RARB: variants seen among roughly 807,000 people sequenced by gnomAD.
RARB encodes the protein HBV-activated protein.
Under a neutral mutation model 51.9 loss-of-function variants are expected in RARB, and 17 were observed. That is an observed-to-expected ratio of 0.33 (90% CI 0.22 to 0.49). The LOEUF is 0.49. RARB is among the 20% of genes least tolerant of loss of function. RARB has a pLI of 0.99. For missense variants in RARB, 369 were observed against 550.8 expected (o/e 0.67, Z 3.30); for synonymous variants, 215 against 195.4 (o/e 1.10, Z -0.84).
chr3:25,468,096 C>G (rs1695519872), intron 2 of RARB, among the ~76,000 whole-genome samples: 1 of 152,168 alleles, frequency 6.6e-6, no homozygotes, highest in Non-Finnish European at 1.5e-5. Flanking sequence ...AAACCAAACA[C>G]TTGGATTCTC....
chr3:25,378,185 G>T (rs192066117), intron 5 of RARB, among the ~76,000 whole-genome samples: 1 of 152,052 alleles, frequency 6.6e-6, no homozygotes, highest in African/African-American at 2.4e-5. Flanking sequence ...ACAAGACTCG[G>T]GCATGCATGC....
chr3:25,375,767 T>G (rs1706442557), intron 5 of RARB, among the ~76,000 whole-genome samples: 1 of 152,212 alleles, frequency 6.6e-6, no homozygotes, highest in Non-Finnish European at 1.5e-5. Context: ...CTGGGATGCA[T>G]GTACCATGAT....
chr3:25,379,405 G>C (rs1575356162), intron 5 of RARB, among the ~76,000 whole-genome samples: 1 of 152,148 alleles, frequency 6.6e-6, no homozygotes, highest in Non-Finnish European at 1.5e-5. Flanking sequence ...TCTTACTGGT[G>C]ACCTAGTGCC....
At chr3:25,406,695 T>A (rs1033051604) in intron 5 of RARB, among the ~76,000 whole-genome samples, 2 of 152,230 alleles carry the variant, frequency 1.3e-5, no homozygotes, top group Admixed American at 6.5e-5. Flanking sequence ...AGCATATAAA[T>A]TTTAGGAAAC....
intron 2 of RARB, among the ~76,000 whole-genome samples, chr3:25,048,527 A>G (rs761320205): frequency 6.6e-6 from 1 of 152,082 alleles, no homozygotes; most frequent in Non-Finnish European, 1.5e-5. Flanking sequence ...TCTTCACTCA[A>G]GTTGTTTTCT....
intron 3 of RARB, among the ~76,000 whole-genome samples, chr3:25,127,003 C>G (rs1409989904): frequency 6.6e-6 from 1 of 152,106 alleles, no homozygotes; most frequent in Admixed American, 6.5e-5. Flanking sequence ...AAATCCACCC[C>G]ACATTCATCC....
rs78100036 is a variant in RARB, at chr3:25,512,333, A to G, written c.448+11010A>G. On this transcript the variant is annotated intron_variant, in intron 3 of 7. Transcript: ENST00000330688. ...AGAAGTACATGTCCTTGGGACTCAA[A>G]TCTACCCCCACAAAGCAAGGTGATG... Among the ~76,000 whole-genome samples, 6 of 152,274 alleles carry G rather than the reference A, an allele frequency of 3.9e-5. No homozygotes were observed. The East Asian group carries it at 1.2e-3, about 29-fold the overall frequency.
intron 3 of RARB, among the ~76,000 whole-genome samples, chr3:25,085,246 A>G (rs1699084268): frequency 6.6e-6 from 1 of 152,200 alleles, no homozygotes; most frequent in Non-Finnish European, 1.5e-5. Context: ...AACAAACATA[A>G]CAATGTAAAT....
chr3:25,004,695 A>T (rs375048394), intron 2 of RARB, among the ~76,000 whole-genome samples: 1 of 152,198 alleles, frequency 6.6e-6, no homozygotes, highest in African/African-American at 2.4e-5. Flanking sequence ...TTAGATCCCC[A>T]TGAAACTGTT....
chr3:25,391,046 C>A (rs532513683), intron 5 of RARB, among the ~76,000 whole-genome samples: 1 of 152,120 alleles, frequency 6.6e-6, no homozygotes, highest in East Asian at 1.9e-4. Flanking sequence ...ATCCCTCACA[C>A]GCCCCAACCT....
intron 6 of RARB, among the ~76,000 whole-genome samples, chr3:25,594,208 A>G (rs1432857910): frequency 1.3e-5 from 2 of 152,220 alleles, no homozygotes; most frequent in Non-Finnish European, 2.9e-5. Context: ...GATTTATTTT[A>G]TGCTAAAATA....
At chr3:25,124,476 G>A (rs1236932366) in intron 3 of RARB, among the ~76,000 whole-genome samples, 1 of 152,146 alleles carries the variant, frequency 6.6e-6, no homozygotes, top group African/African-American at 2.4e-5. Flanking sequence ...ATGTTAATAG[G>A]TATTTGATCC....
chr3:25,382,585 G>T (rs533610541), intron 5 of RARB, among the ~76,000 whole-genome samples: 1 of 152,334 alleles, frequency 6.6e-6, no homozygotes, highest in South Asian at 2.1e-4. Context: ...GCTGGGTGCG[G>T]TGGCTCCTGC....
chr3:25,399,622 C>G (rs1270750388), intron 5 of RARB, among the ~76,000 whole-genome samples: 2 of 152,172 alleles, frequency 1.3e-5, no homozygotes, highest in African/African-American at 4.8e-5. Flanking sequence ...CCGTGTGAGT[C>G]CTGAACTTCC....
At chr3:25,130,874 A>G (rs1484219220) in intron 3 of RARB, among the ~76,000 whole-genome samples, 6 of 128,246 alleles carry the variant, frequency 4.7e-5, no homozygotes, top group South Asian at 4.7e-4. Flanking sequence ...GTGTCATATT[A>G]TCAATATTTA....
At chr3:25,480,398 G>C (rs1391111181) in intron 2 of RARB, among the ~76,000 whole-genome samples, 1 of 152,156 alleles carries the variant, frequency 6.6e-6, no homozygotes, top group African/African-American at 2.4e-5. Flanking sequence ...TGTAGCACCT[G>C]GGCCAAGTCT....
intron 2 of RARB, among the ~76,000 whole-genome samples, chr3:24,891,558 C>T (rs1329038295): frequency 6.6e-6 from 1 of 152,174 alleles, no homozygotes; most frequent in East Asian, 1.9e-4. Context: ...TACCCACCCC[C>T]ATCTCTATAA....
intron 2 of RARB, among the ~76,000 whole-genome samples, chr3:25,024,393 A>G (rs1460483061): frequency 2.0e-5 from 3 of 152,142 alleles, no homozygotes; most frequent in African/African-American, 7.2e-5. Flanking sequence ...TGGAGATACA[A>G]TTGTGTTGTG....
At chr3:25,561,827 C>T (rs1453794219) in intron 3 of RARB, among the ~76,000 whole-genome samples, 1 of 152,126 alleles carries the variant, frequency 6.6e-6, no homozygotes, top group Non-Finnish European at 1.5e-5. Flanking sequence ...TTTGAAAGCC[C>T]ATAACTTGTT....
Sources: allele counts gnomAD v4.1 joint callset (sites outside exome capture counted in the v4.1 genomes callset), GRCh38; gene constraint gnomAD v4.1.1; transcripts MANE v1.5; gene names NCBI Gene and HGNC (gene_info 2026-07-23, HGNC 2026-07-21).